Variants in KIF24 observed in about 807,000 individuals in gnomAD.
The protein encoded by KIF24 is kinesin-like protein KIF24.
In KIF24, 81 loss-of-function variants were observed where a neutral mutation model predicts 118.9. The observed-to-expected ratio is 0.68, with a 90% CI of 0.57 to 0.82. KIF24 has a LOEUF of 0.82. Among genes scored for constraint, KIF24 ranks in the 40% least tolerant of loss-of-function variants. The pLI is 0.00. For synonymous variants in KIF24, 599 were observed against 610.0 expected, an observed-to-expected ratio of 0.98 and a Z score of 0.27; for missense variants, 1,560 against 1,661.6, an observed-to-expected ratio of 0.94 and a Z score of 1.06.
chr9:34,254,437 C>T lies in KIF24; in HGVS notation c.4050G>A (p.Gln1350=). The T allele has an allele frequency of 6.2e-7, 1 of 1,613,910 alleles. No homozygotes were observed. Among genetic ancestry groups the T allele is most frequent in the Non-Finnish European group, 8.5e-7 (1 of 1,179,864 alleles). The change falls in exon 13 of 13, where the codon CAG becomes CAA. Residue 1350 remains glutamine, a synonymous_variant. Coordinates refer to ENST00000402558, the MANE Select transcript of KIF24 (RefSeq NM_194313.4). ...TGGGCCCGTGGCAGGTGAGATAGAG[C>T]TGCAGCTGGCTCCTCAGACTCTGGA... ...KCIQSLRSQL[Q]LYLTCHGPTA...
intron 1 of KIF24, chr9:34,319,090 C>G (rs974500854): frequency 7.4e-7 from 1 of 1,344,562 alleles, no homozygotes; most frequent in South Asian, 1.2e-5. Context: ...TGACTCGGTT[C>G]TATACCGTGG....
At chr9:34,330,110 G>A (rs570662815), upstream of KIF24, among the ~76,000 whole-genome samples, 1 of 152,250 alleles carries the variant, frequency 6.6e-6, no homozygotes, top group African/African-American at 2.4e-5. Flanking sequence ...AAGGGACAGC[G>A]TAAACAATGC....
chr9:34,323,720 A>T (rs1052729761), intron 1 of KIF24, among the ~76,000 whole-genome samples: 1 of 152,216 alleles, frequency 6.6e-6, no homozygotes, highest in Admixed American at 6.5e-5. Flanking sequence ...CCACCATGGG[A>T]CCAGGAATTA....
At chr9:34,279,577 A>G (rs1354099108) in intron 6 of KIF24, among the ~76,000 whole-genome samples, 2 of 152,258 alleles carry the variant, frequency 1.3e-5, no homozygotes, top group Non-Finnish European at 2.9e-5. Flanking sequence ...AATCAAATAC[A>G]CTGGGAAGGA....
chr9:34,269,139 C>T, intron 8 of KIF24, 118 bp downstream of exon 8: 1 of 543,950 alleles, frequency 1.8e-6, no homozygotes, highest in Non-Finnish European at 3.3e-6. Context: ...CATTCTATTA[C>T]TACATAAGAA....
At chr9:34,332,468 ATATC>A (rs1311220578), upstream of KIF24, among the ~76,000 whole-genome samples, 4 of 152,192 alleles carry the variant, frequency 2.6e-5, no homozygotes, top group Admixed American at 6.5e-5. Flanking sequence ...ATTCAGCTTC[ATATC>A]TATCTGTCAA....
Position 34,286,638 on chromosome 9 carries a change from G to A in KIF24, c.1194C>T (p.Asp398=), listed in dbSNP as rs142538408. The A allele has an allele frequency of 1.2e-6, 2 of 1,612,348 alleles. No homozygotes were observed. The highest frequency in any genetic ancestry group is 4.5e-5 in the East Asian group (2 of 44,874). The change falls in exon 6 of 13, where the codon GAC becomes GAT. Residue 398 remains aspartate, a synonymous_variant. Transcript: ENST00000402558. ...QIVGLQELQV[D]SVELLLEVIL... Reference sequence around the variant, plus strand: ...TTACCTCTAAGAGGAGCTCCACACTGTCCACCTGAAGCTCTTGCAGTCCCA... The same window carrying A: ...TTACCTCTAAGAGGAGCTCCACACTATCCACCTGAAGCTCTTGCAGTCCCA...
chr9:34,288,603 T>C (rs1836137336), intron 5 of KIF24, among the ~76,000 whole-genome samples: 2 of 151,574 alleles, frequency 1.3e-5, no homozygotes, highest in Non-Finnish European at 2.9e-5. Flanking sequence ...ATAGATTAGA[T>C]TAGACAATTA....
In KIF24 at chr9:34,256,638, G is replaced by C. The variant is rs1188940612; in HGVS notation, c.2969C>G (p.Ser990Cys). 6.2e-7 allele frequency: 1 copy of C among 1,613,908 alleles called. No individual in the cohort carries two copies. The highest frequency in any genetic ancestry group is 1.1e-5 in the South Asian group (1 of 91,080). Residue 990 changes from serine (S) to cysteine (C), a missense_variant, in exon 11 of 13, where the codon TCC becomes TGC. Physicochemically the swap from Ser to Cys is moderately radical, Grantham distance 112. This residue lies in a region of KIF24 where 591 missense variants were observed against 655.6 expected (regional missense o/e 0.90). Coordinates refer to ENST00000402558, the MANE Select transcript of KIF24 (RefSeq NM_194313.4). ...TGGGGATCCAGGAACTGCAACGTGGGACAATGAGATAGTGAAACCATCTTC... is the reference window on the plus strand; with the variant it reads ...TGGGGATCCAGGAACTGCAACGTGGCACAATGAGATAGTGAAACCATCTTC... ...PEEDGFTISLSHVAVPGSPDQ... is the reference protein window; with the variant it reads ...PEEDGFTISLCHVAVPGSPDQ...
chr9:34,290,672 T>C (rs1177052459), intron 4 of KIF24, among the ~76,000 whole-genome samples: 2 of 151,154 alleles, frequency 1.3e-5, no homozygotes, highest in Non-Finnish European at 2.9e-5. Context: ...TGATCTCCAC[T>C]CACTGCAACC....
chr9:34,285,882 C>T (rs10814090), intron 6 of KIF24, among the ~76,000 whole-genome samples: 68,831 of 144,048 alleles, frequency 0.48, 19,182 homozygotes, highest in South Asian at 0.64. Flanking sequence ...TGAGCTATGA[C>T]TACACCTCTA....
chr9:34,286,466 A>G, intron 6 of KIF24, 151 bp downstream of exon 6: 1 of 578,062 alleles, frequency 1.7e-6, no homozygotes. Flanking sequence ...CCTCTCAGAA[A>G]AGAATTCACA....
intron 1 of KIF24, among the ~76,000 whole-genome samples, chr9:34,316,331 C>A (rs1837327910): frequency 6.7e-6 from 1 of 150,140 alleles, no homozygotes; most frequent in Non-Finnish European, 1.5e-5. Context: ...TAGAGCGAGA[C>A]TCTATTAAAA....
At position 34,255,257 on chromosome 9, in the gene KIF24, G is replaced by A; in HGVS notation, c.3873-92C>T. On this transcript the variant is annotated intron_variant, in intron 11 of 12. Transcript: ENST00000402558. The stretch of plus-strand genomic sequence containing the variant: ...AGGTGATCTCATTTGTAAGCTGAGA[G>A]CTGCCTCTGCCGAAAATGGTCAAGG... 3 of 783,370 alleles carry A rather than the reference G, an allele frequency of 3.8e-6. No individual in the cohort carries two copies. The South Asian group carries it at 4.9e-5, about 13-fold the overall frequency. 48.5% of individuals were successfully genotyped at this position (783,370 alleles called of 1,614,324 possible).
chr9:34,276,400 C>CT (rs1835662032), intron 6 of KIF24, among the ~76,000 whole-genome samples: 1 of 113,486 alleles, frequency 8.8e-6, no homozygotes, highest in Non-Finnish European at 1.7e-5. Context: ...GAAACTGCAT[C>CT]TCAAAAAAAA....
At chr9:34,277,775 C>T (rs1281282289) in intron 6 of KIF24, among the ~76,000 whole-genome samples, 1 of 152,108 alleles carries the variant, frequency 6.6e-6, no homozygotes, top group Non-Finnish European at 1.5e-5. Context: ...AATAATGCAC[C>T]TGAGCTATGA....
At position 34,269,270 on chromosome 9, in the gene KIF24, T is replaced by G; in HGVS notation, c.1430A>C (p.Gln477Pro). Residue 477 changes from glutamine (Q) to proline (P), a missense_variant, in exon 8 of 13, where the codon CAG becomes CCG. By Grantham distance (76) the Gln-to-Pro change is moderately conservative. Around this residue, in one of 3 missense-constraint regions of KIF24, gnomAD observed 964 missense variants for 988.0 expected, o/e 0.98. Coordinates refer to ENST00000402558, the MANE Select transcript of KIF24 (RefSeq NM_194313.4). ...QTKMEGAEINQSLLALKECIR... is the reference protein window; with the variant it reads ...QTKMEGAEINPSLLALKECIR... ...TGAACAACTTACAGCCAGTAGACTC[T>G]GATTTATTTCTGCACCTTCCATCTT... 2 of 1,602,380 alleles carry G rather than the reference T, an allele frequency of 1.2e-6. No individual in the cohort carries two copies. The highest frequency in any genetic ancestry group is 1.7e-6 in the Non-Finnish European group (2 of 1,170,904).
chr9:34,313,247 G>C (rs889783931), intron 1 of KIF24, among the ~76,000 whole-genome samples: 5 of 152,160 alleles, frequency 3.3e-5, no homozygotes, highest in African/African-American at 9.7e-5. Flanking sequence ...TCCAGGCCCA[G>C]TGGCACCACT....
At position 34,257,274 on chromosome 9, in the gene KIF24, T is replaced by A. The variant is rs749406165; in HGVS notation, c.2333A>T (p.Gln778Leu). The A allele has an allele frequency of 3.7e-6, 6 of 1,614,050 alleles. No homozygotes were observed. The Admixed American group carries it at 1.0e-4, about 27-fold the overall frequency. The change falls in exon 11 of 13, where the codon CAA becomes CTA. Residue 778 changes from glutamine (Q) to leucine (L), a missense_variant. This residue lies in a region of KIF24 where 964 missense variants were observed against 988.0 expected (regional missense o/e 0.98). Transcript: ENST00000402558. ...CAGTGGTTGGTATTTTAACTTCTGT[T>A]GGAGGAGAGGTGGCTGTTGGAACTG... ...HQQFQQPPLL[Q>L]QKLKYQPLKR...
Sources: gnomAD v4.1 joint callset for allele counts (sites outside exome capture counted in the v4.1 genomes callset) on GRCh38, gnomAD v4.1.1 for gene constraint, gnomAD v4.1.1 regional missense constraint, MANE v1.5 for transcripts, NCBI Gene and HGNC (gene_info 2026-07-23, HGNC 2026-07-21) for gene names.